Variants in UGGT1 observed in about 807,000 individuals in gnomAD.
UGGT1 encodes UDP-glucose glycoprotein glucosyltransferase 1.
Under a neutral mutation model 203.9 loss-of-function variants are expected in UGGT1, and 107 were observed. The observed-to-expected ratio is 0.52, with a 90% CI of 0.45 to 0.62. The LOEUF is 0.62. Ranked by LOEUF, UGGT1 falls within the 20% of genes least tolerant of loss-of-function variation. The pLI is 0.00. For synonymous variants in UGGT1, 628 were observed against 653.5 expected, an observed-to-expected ratio of 0.96 and a Z score of 0.59; for missense variants, 1,673 against 1,867.2, an observed-to-expected ratio of 0.90 and a Z score of 1.92.
At chr2:128,178,327 G>T in intron 33 of UGGT1, 141 bp from the exon 34 acceptor site, 1 of 707,888 alleles carries the variant, frequency 1.4e-6, no homozygotes, top group Non-Finnish European at 2.4e-6. Context: ...TCCAGGGTGT[G>T]AGGGAAGCTT....
At chr2:128,091,458 G>A in intron 1 of UGGT1, 43 bp downstream of exon 1, 1 of 1,557,444 alleles carries the variant, frequency 6.4e-7, no homozygotes, top group Non-Finnish European at 8.7e-7. Flanking sequence ...ACAAAGAGAG[G>A]GTTTGGGGCA....
rs1692216696 is a variant in UGGT1 at position 128,190,675 on chromosome 2, G to GGTCAGT, written c.*938_*939insTGTCAG. The GGTCAGT allele has an allele frequency of 6.6e-6, 1 of 152,378 alleles. No individual in the cohort carries two copies. The highest frequency in any genetic ancestry group is 2.1e-4 in the South Asian group (1 of 4,822). The allele number at this position is 152,378 out of a possible 1,614,324, so 9.4% of individuals were successfully genotyped here. On this transcript the variant is annotated 3_prime_UTR_variant, in exon 41 of 41. Coordinates refer to ENST00000259253, the MANE Select transcript of UGGT1 (RefSeq NM_020120.4). ...CTCGCATCCAGCCCGTCAGGGTCAG[G>GGTCAGT]GTCAGGGTCAGGCTCCCTCAAGACG...
chr2:128,127,846 G>A (rs1374437066), intron 12 of UGGT1, among the ~76,000 whole-genome samples: 4 of 152,136 alleles, frequency 2.6e-5, no homozygotes, highest in East Asian at 1.9e-4. Context: ...GGCTGAGGCC[G>A]GCGGATCACT....
intron 18 of UGGT1, chr2:128,151,269 G>C: frequency 1.7e-6 from 1 of 591,094 alleles, no homozygotes; most frequent in Non-Finnish European, 3.2e-6. Context: ...TACCTTCCTC[G>C]TCCATCTCCT....
At chr2:128,112,705 C>G (rs1328797028) in intron 5 of UGGT1, among the ~76,000 whole-genome samples, 1 of 150,678 alleles carries the variant, frequency 6.6e-6, no homozygotes, top group Non-Finnish European at 1.5e-5. Context: ...ACCTTAGCCT[C>G]CCAAGTAGCT....
At chr2:128,169,864 A>T (rs1056870572) in intron 26 of UGGT1, among the ~76,000 whole-genome samples, 1 of 152,240 alleles carries the variant, frequency 6.6e-6, no homozygotes, top group Admixed American at 6.5e-5. Flanking sequence ...GGGCTGGGAT[A>T]GTGAATATTT....
chr2:128,183,937 T>TGTGTGTGTGTGTGAGAGA (rs151153786), intron 38 of UGGT1, 148 bp downstream of exon 38: 3 of 328,556 alleles, frequency 9.1e-6, no homozygotes, highest in South Asian at 4.3e-5. Flanking sequence ...TGTGTGTGTG[T>TGTGTGTGTGTGTGAGAGA]GAGAGAGAGA....
intron 4 of UGGT1, among the ~76,000 whole-genome samples, chr2:128,108,713 T>A (rs1687715763): frequency 6.6e-6 from 1 of 152,116 alleles, no homozygotes; most frequent in South Asian, 2.1e-4. Context: ...AATGTGAACA[T>A]CCTTGTAATT....
At chr2:128,129,314 A>G in intron 13 of UGGT1, 135 bp downstream of exon 13, 1 of 1,065,024 alleles carries the variant, frequency 9.4e-7, no homozygotes, top group Non-Finnish European at 1.3e-6. Flanking sequence ...AATTGCTTAT[A>G]TGGGACTTTG....
At chr2:128,176,974 A>T in intron 32 of UGGT1, 76 bp downstream of exon 32, 1 of 1,415,698 alleles carries the variant, frequency 7.1e-7, no homozygotes, top group South Asian at 1.2e-5. Flanking sequence ...GAACCAGCCC[A>T]AGAGTCTCTT....
chr2:128,092,410 T>C (rs1256792604), intron 1 of UGGT1, among the ~76,000 whole-genome samples: 1 of 151,510 alleles, frequency 6.6e-6, no homozygotes, highest in African/African-American at 2.4e-5. Context: ...ATGAAACTTA[T>C]TAAAGGAAGT....
Position 128,182,192 on chromosome 2 carries a change from C to T in UGGT1, c.4146C>T (p.Tyr1382=), listed in dbSNP as rs768681384. 3.7e-6 allele frequency: 6 copies of T among 1,614,184 alleles called. No homozygotes were observed. Among genetic ancestry groups the T allele is most frequent in the South Asian group, 3.3e-5 (3 of 91,084 alleles). The change falls in exon 37 of 41, where the codon TAC becomes TAT. Residue 1382 remains tyrosine (Y), a synonymous_variant. Coordinates refer to ENST00000259253, the MANE Select transcript of UGGT1 (RefSeq NM_020120.4). ...ATTTGGATGGTGCTCCTTATGGTTACACTCCTTTCTGTGACAGCCGAAGAG... is the reference window on the plus strand; with the variant it reads ...ATTTGGATGGTGCTCCTTATGGTTATACTCCTTTCTGTGACAGCCGAAGAG... ...DFNLDGAPYG[Y]TPFCDSRREM...
In UGGT1 at chr2:128,127,346, A is replaced by G. The variant is rs751252270; in HGVS notation, c.1135-15A>G. Reference sequence around the variant, plus strand: ...ATTCTCTCACAGCTCCCTAATAATTATTAAAATTTTTCAGTATTTCAAGGG... The same window carrying G: ...ATTCTCTCACAGCTCCCTAATAATTGTTAAAATTTTTCAGTATTTCAAGGG... On this transcript the variant is annotated splice_polypyrimidine_tract_variant and intron_variant, in intron 11 of 40. Transcript: ENST00000259253. The G allele has an allele frequency of 5.7e-6, 9 of 1,585,056 alleles. No individual in the cohort carries two copies. Among genetic ancestry groups the G allele is most frequent in the South Asian group, 3.4e-5 (3 of 89,438 alleles).
intron 24 of UGGT1, 42 bp from the exon 25 acceptor site, chr2:128,161,096 C>T (rs1690504933): frequency 1.9e-6 from 3 of 1,607,242 alleles, no homozygotes; most frequent in African/African-American, 1.3e-5. Flanking sequence ...TGAGTGCAGG[C>T]AGCCTTCCAG....
intron 34 of UGGT1, among the ~76,000 whole-genome samples, chr2:128,179,446 A>G (rs1691569601): frequency 6.6e-6 from 1 of 152,174 alleles, no homozygotes. Flanking sequence ...TTGGGGAGTG[A>G]TGTCAGTTAC....
intron 15 of UGGT1, among the ~76,000 whole-genome samples, chr2:128,138,390 G>A (rs1265437916): frequency 1.3e-5 from 2 of 151,928 alleles, no homozygotes; most frequent in Non-Finnish European, 2.9e-5. Flanking sequence ...GGGTAGTGGC[G>A]TATAATCGCA....
rs535166905 is a variant in UGGT1, at chr2:128,170,834, A to G, written c.3025-371A>G. 9.8e-5 allele frequency among the ~76,000 whole-genome samples: 15 copies of G among 152,342 alleles called. 1 individual carries two copies. The East Asian group carries it at 2.7e-3, about 27-fold the overall frequency. The stretch of plus-strand genomic sequence containing the variant: ...CTTTGACAAAGACAGTCGCTCCAAC[A>G]TTCATTGCCGAATAAATCTCTAACC... On this transcript the variant is annotated intron_variant, in intron 27 of 40. Transcript: ENST00000259253.
In UGGT1 at chr2:128,189,781, C is replaced by G. The variant is rs746444657; in HGVS notation, c.*39C>G. ...ACAGGAAATCACCCCATTTGAAAAACAGTTTTTATAATAAATGCTAGTTTT... is the reference window on the plus strand; with the variant it reads ...ACAGGAAATCACCCCATTTGAAAAAGAGTTTTTATAATAAATGCTAGTTTT... On this transcript the variant is annotated 3_prime_UTR_variant, in exon 41 of 41. Coordinates refer to ENST00000259253, the MANE Select transcript of UGGT1 (RefSeq NM_020120.4). 4 of 1,609,240 alleles carry G rather than the reference C, an allele frequency of 2.5e-6. No individual in the cohort carries two copies. The highest frequency in any genetic ancestry group is 3.4e-6 in the Non-Finnish European group (4 of 1,176,850).
In UGGT1 at chr2:128,111,686, G is replaced by T. The variant is rs562038905; in HGVS notation, c.522-1398G>T. On this transcript the variant is annotated intron_variant, in intron 5 of 40. Transcript: ENST00000259253. ...AGTTTTTTGTATTTTTAGTAGAGAC[G>T]GGGTTTCACTGTGTTAGCCAGGATA... Among the ~76,000 whole-genome samples, 155 of 151,844 alleles carry T rather than the reference G, an allele frequency of 1.0e-3. 1 individual carries two copies. Among genetic ancestry groups the T allele is most frequent in the Admixed American group, 0.01 (153 of 15,246 alleles).
Sources: gnomAD v4.1 joint callset for allele counts (sites outside exome capture counted in the v4.1 genomes callset) on GRCh38, gnomAD v4.1.1 for gene constraint, MANE v1.5 for transcripts, NCBI Gene and HGNC (gene_info 2026-07-23, HGNC 2026-07-21) for gene names.